CRCP: variants seen among roughly 807,000 people sequenced by gnomAD.
CRCP encodes CGRP receptor component.
Under a neutral mutation model 18.5 loss-of-function variants are expected in CRCP, and 18 were observed. The observed-to-expected ratio is 0.97, with a 90% confidence interval of 0.67 to 1.44. The LOEUF is 1.44. Ranked by LOEUF, CRCP falls within the 40% of genes most tolerant of loss-of-function variation. The pLI, the probability that CRCP is intolerant of heterozygous loss-of-function variation, is 0.00. For missense variants in CRCP, 130 were observed against 176.4 expected (o/e 0.74, Z 1.49); for synonymous variants, 53 against 62.9 (o/e 0.84, Z 0.75).
intron 2 of CRCP, 26 bp downstream of exon 2, chr7:66,127,766 C>T (rs775907871): frequency 3.7e-6 from 6 of 1,612,758 alleles, no homozygotes; most frequent in Non-Finnish European, 5.1e-6. Flanking sequence ...ACATTTTCCT[C>T]TCTGATAGTT....
chr7:66,145,538 G>A (rs1175370593), intron 5 of CRCP, 38 bp downstream of exon 5: 1 of 1,609,614 alleles, frequency 6.2e-7, no homozygotes, highest in Non-Finnish European at 8.5e-7. Flanking sequence ...GGCTGCTGTG[G>A]GTCTGAGATG....
In CRCP at chr7:66,130,845, A is replaced by G. The variant is rs919462059; in HGVS notation, c.144+3A>G. The G allele has an allele frequency of 1.0e-5, 15 of 1,494,386 alleles. No individual in the cohort carries two copies. The highest frequency in any genetic ancestry group is 1.4e-5 in the African/African-American group (1 of 72,358). 92.6% of individuals were successfully genotyped at this position (1,494,386 alleles called of 1,614,324 possible). ...ACTTGAACACTATCACCTATGAAGTAAGGCTGGGCTTCTGCCAGGCCTACC... is the reference window on the plus strand; with the variant it reads ...ACTTGAACACTATCACCTATGAAGTGAGGCTGGGCTTCTGCCAGGCCTACC... On this transcript the variant is annotated splice_donor_region_variant and intron_variant, in intron 3 of 5. Transcript: ENST00000395326.
rs138993929 is a variant in CRCP, at chr7:66,154,181, CTT to C, written c.*1841_*1842del. On this transcript the variant is annotated 3_prime_UTR_variant, in exon 6 of 6. Transcript: ENST00000395326. ...CAATCTGTCTCATTGTTGTCTCTCT[CTT>C]TTTTTTTTTTTTTTTTGAGACAGTC... 11,187 of 115,116 alleles carry C rather than the reference CTT, an allele frequency of 0.097. 402 individuals carry two copies. Among genetic ancestry groups the C allele is most frequent in the Non-Finnish European group, 0.12 (6,884 of 56,680 alleles). 7.1% of individuals were successfully genotyped at this position (115,116 alleles called of 1,614,324 possible).
intron 1 of CRCP, among the ~76,000 whole-genome samples, chr7:66,120,310 C>T (rs1787399462): frequency 6.6e-6 from 1 of 152,234 alleles, no homozygotes; most frequent in Non-Finnish European, 1.5e-5. Context: ...CATTAGCTAG[C>T]ATCCTAGTTG....
intron 2 of CRCP, among the ~76,000 whole-genome samples, chr7:66,129,491 G>A (rs999654087): frequency 2.0e-5 from 3 of 151,884 alleles, no homozygotes; most frequent in Non-Finnish European, 4.4e-5. Flanking sequence ...TTGAGACCGT[G>A]TCCCCAAAAA....
intron 3 of CRCP, among the ~76,000 whole-genome samples, chr7:66,131,554 TCCC>T (rs1787804289): frequency 2.6e-5 from 4 of 151,876 alleles, no homozygotes; most frequent in African/African-American, 7.3e-5. Flanking sequence ...TAAGGGATCT[TCCC>T]ACTGCAGCGT....
intron 4 of CRCP, among the ~76,000 whole-genome samples, chr7:66,137,470 G>A (rs923244078): frequency 6.6e-6 from 1 of 152,196 alleles, no homozygotes; most frequent in African/African-American, 2.4e-5. Context: ...CCTGGCTGGG[G>A]CCTCCAGGAT....
chr7:66,130,831 A>C lies in CRCP; in HGVS notation c.133A>C (p.Ile45Leu), dbSNP rs745514356. Reference protein sequence around the residue: ...HSSGQQNLNTITYETLKYISK... With the variant: ...HSSGQQNLNTLTYETLKYISK... The stretch of plus-strand genomic sequence containing the variant: ...CTCTGGGCAACAGAACTTGAACACT[A>C]TCACCTATGAAGTAAGGCTGGGCTT... The change falls in exon 3 of 6, where the codon ATC becomes CTC. Residue 45 changes from isoleucine to leucine, a missense_variant. By Grantham distance (5) the Ile-to-Leu change is conservative. Transcript: ENST00000395326. 19 of 1,557,784 alleles carry C rather than the reference A, an allele frequency of 1.2e-5. No homozygotes were observed. The South Asian group carries it at 2.0e-4, about 16-fold the overall frequency.
chr7:66,115,732 TAC>T (rs759749874), intron 1 of CRCP, among the ~76,000 whole-genome samples: 18 of 152,220 alleles, frequency 1.2e-4, no homozygotes, highest in Non-Finnish European at 2.4e-4. Flanking sequence ...GATTATTTGA[TAC>T]AGTTTCCTTT....
intron 1 of CRCP, among the ~76,000 whole-genome samples, chr7:66,116,148 GGCTCAT>G (rs1272718007): frequency 1.3e-5 from 2 of 152,032 alleles, no homozygotes; most frequent in African/African-American, 4.8e-5. Context: ...TGAAATGAAA[GGCTCAT>G]GAAACAATAA....
chr7:66,128,546 C>G (rs1341557368), intron 2 of CRCP: 1 of 152,146 alleles, frequency 6.6e-6, no homozygotes, highest in Non-Finnish European at 1.5e-5. Flanking sequence ...AATCCCAGCA[C>G]TTTGGAAGGC....
intron 1 of CRCP, 151 bp downstream of exon 1, chr7:66,115,121 G>A: frequency 8.8e-7 from 1 of 1,130,858 alleles, no homozygotes; most frequent in Non-Finnish European, 1.2e-6. Context: ...GCGGGGTGGT[G>A]ACGGGGACGA....
intron 1 of CRCP, among the ~76,000 whole-genome samples, chr7:66,122,454 A>G (rs1787474983): frequency 6.6e-6 from 1 of 151,688 alleles, no homozygotes; most frequent in Non-Finnish European, 1.5e-5. Context: ...GTCCACCAAG[A>G]GATCATTTTG....
At position 66,134,978 on chromosome 7, in the gene CRCP, G is replaced by T. The variant is rs574788381; in HGVS notation, c.239+604G>T. Among the ~76,000 whole-genome samples the T allele has an allele frequency of 3.3e-4, 51 of 152,318 alleles. 1 individual carries two copies. The highest frequency in any genetic ancestry group is 6.8e-3 in the Middle Eastern group (2 of 294). On this transcript the variant is annotated intron_variant, in intron 4 of 5. Coordinates refer to ENST00000395326, the MANE Select transcript of CRCP (RefSeq NM_014478.5). Reference sequence around the variant, plus strand: ...GGTGGTGTCTTCATGGAAACAATATGTGTAGATGTCCTTTTTGGACTCCAG... The same window carrying T: ...GGTGGTGTCTTCATGGAAACAATATTTGTAGATGTCCTTTTTGGACTCCAG...
intron 3 of CRCP, among the ~76,000 whole-genome samples, chr7:66,132,910 CAAAT>C (rs572717897): frequency 4.2e-4 from 63 of 150,650 alleles, no homozygotes; most frequent in South Asian, 8.4e-4. Flanking sequence ...GACTCTGTCT[CAAAT>C]AAATAAATAA....
intron 4 of CRCP, among the ~76,000 whole-genome samples, chr7:66,134,915 T>A (rs1374023617): frequency 6.6e-6 from 1 of 152,154 alleles, no homozygotes; most frequent in Non-Finnish European, 1.5e-5. Context: ...TGAATAAGGA[T>A]CATCTGCTAA....
intron 1 of CRCP, among the ~76,000 whole-genome samples, chr7:66,120,041 G>C (rs1443608386): frequency 6.6e-6 from 1 of 152,002 alleles, no homozygotes; most frequent in African/African-American, 2.4e-5. Context: ...AATTAGCTGG[G>C]CGCTGTGGCG....
At chr7:66,116,746 GA>G (rs953159493) in intron 1 of CRCP, among the ~76,000 whole-genome samples, 1 of 152,036 alleles carries the variant, frequency 6.6e-6, no homozygotes, top group African/African-American at 2.4e-5. Context: ...AAAACTTCTT[GA>G]AAGTGCTGAT....
At chr7:66,134,138 G>T in intron 3 of CRCP, 142 bp from the exon 4 acceptor site, 2 of 625,646 alleles carry the variant, frequency 3.2e-6, no homozygotes, top group Non-Finnish European at 5.5e-6. Context: ...GGGATTACAG[G>T]TGTGAGCCAC....
Sources: allele counts gnomAD v4.1 joint callset (sites outside exome capture counted in the v4.1 genomes callset), GRCh38; gene constraint gnomAD v4.1.1; transcripts MANE v1.5; gene names NCBI Gene and HGNC (gene_info 2026-07-23, HGNC 2026-07-21).